Variants in OSGIN1 observed in about 807,000 individuals in gnomAD.
OSGIN1 encodes the protein oxidative stress-induced growth inhibitor 1.
OSGIN1 carries 19 observed loss-of-function variants against 20.1 expected under a neutral mutation model. The ratio of observed to expected loss-of-function variants is 0.95; its 90% CI spans 0.66 to 1.39. The LOEUF is 1.39. Ranked by LOEUF, OSGIN1 falls within the 40% of genes most tolerant of loss-of-function variation. The pLI, the probability that OSGIN1 is intolerant of heterozygous loss-of-function variation, is 0.00. For synonymous variants in OSGIN1, 368 were observed against 297.8 expected (o/e 1.24, Z -2.43); for missense variants, 820 against 653.0 (o/e 1.26, Z -2.79).
chr16:83,953,482 C>G, intron 1 of OSGIN1, 112 bp downstream of exon 1: 1 of 1,007,366 alleles, frequency 9.9e-7, no homozygotes, highest in African/African-American at 1.7e-5. Flanking sequence ...GGCGGGGGTC[C>G]CGGGTGGTCC....
chr16:83,957,897 G>C (rs1909020079), intron 2 of OSGIN1, among the ~76,000 whole-genome samples, 159 bp downstream of exon 2: 1 of 134,838 alleles, frequency 7.4e-6, no homozygotes, highest in Non-Finnish European at 1.5e-5. Context: ...ATTTATTTGA[G>C]ACAAAGTCTC....
intron 5 of OSGIN1, among the ~76,000 whole-genome samples, chr16:83,961,783 A>G (rs253137): frequency 0.35 from 53,019 of 151,754 alleles, 9,843 homozygotes; most frequent in South Asian, 0.38. Context: ...GGGCCTCCCC[A>G]TAGTGCCCCA....
intron 1 of OSGIN1, among the ~76,000 whole-genome samples, 179 bp downstream of exon 1, chr16:83,953,549 A>G (rs1014040130): frequency 1.3e-5 from 2 of 152,156 alleles, no homozygotes; most frequent in Admixed American, 6.5e-5. Flanking sequence ...CCCCTACACC[A>G]GGTTCCTCCC....
At chr16:83,964,999 T>TGC in intron 5 of OSGIN1, 63 bp from the exon 6 acceptor site, 164 of 645,722 alleles carry the variant, frequency 2.5e-4, no homozygotes, top group East Asian at 5.3e-4. Context: ...ACATCTCCCG[T>TGC]CCCACCCAGC....
In OSGIN1 at chr16:83,965,951, G is replaced by C; in HGVS notation, c.1378G>C (p.Gly460Arg). 1.9e-6 allele frequency: 3 copies of C among 1,610,478 alleles called. No individual in the cohort carries two copies. Among genetic ancestry groups the C allele is most frequent in the South Asian group, 1.1e-5 (1 of 90,844 alleles). The stretch of plus-strand genomic sequence containing the variant: ...CAACTTCGTGAGGTTTGTGCAGGGG[G>C]GCGCCTTGGCTGTGGCCAGCTCCCT... ...GDNFVRFVQG[G>R]ALAVASSLLR... Residue 460 changes from glycine (G) to arginine (R), a missense_variant, in exon 6 of 6, where the codon GGC (glycine) becomes CGC (arginine). Gly to Arg is a moderately radical substitution (Grantham distance 125, BLOSUM62 -2). Coordinates refer to ENST00000393306, the MANE Select transcript of OSGIN1 (RefSeq NM_182981.3).
Position 83,966,240 on chromosome 16 carries a change from G to T in OSGIN1, c.*233G>T. 1 of 547,808 alleles carries T rather than the reference G, an allele frequency of 1.8e-6. No individual in the cohort carries two copies. Among genetic ancestry groups the T allele is most frequent in the Non-Finnish European group, 3.2e-6 (1 of 313,496 alleles). 33.9% of individuals were successfully genotyped at this position (547,808 alleles called of 1,614,324 possible). ...CCTAGACCTGGGATTTGTGGGGAAA[G>T]CTGCTGGTGTGACCAGCTGAGCACC... On this transcript the variant is annotated 3_prime_UTR_variant, in exon 6 of 6. Transcript: ENST00000393306.
Position 83,953,319 on chromosome 16 carries a change from C to T in OSGIN1, c.-84C>T. On this transcript the variant is annotated 5_prime_UTR_variant, in exon 1 of 6. Coordinates refer to ENST00000393306, the MANE Select transcript of OSGIN1 (RefSeq NM_182981.3). ...TGTGATCCGTGTTCCCCTGACCCTC[C>T]TAGTGCACAACTTGGCCGGGCTCAC... is the stretch of plus-strand genomic sequence containing the variant. 3 of 1,289,008 alleles carry T rather than the reference C, an allele frequency of 2.3e-6. No individual in the cohort carries two copies. The highest frequency in any genetic ancestry group is 1.2e-5 in the South Asian group (1 of 80,998). 79.8% of individuals were successfully genotyped at this position (1,289,008 alleles called of 1,614,324 possible).
intron 5 of OSGIN1, among the ~76,000 whole-genome samples, chr16:83,961,898 T>G (rs1597181766): frequency 6.6e-6 from 1 of 152,122 alleles, no homozygotes; most frequent in South Asian, 2.1e-4. Flanking sequence ...CCCTTTCCTC[T>G]ATTCTGAGCC....
rs1909098290 is a variant in OSGIN1 at position 83,959,415 on chromosome 16, A to G, written c.204+19A>G. On this transcript the variant is annotated intron_variant, in intron 3 of 5. Transcript: ENST00000393306. ...GGACCAGGTGGGTCAGCCTGGGGCCAGAGCTCTGGGTAGTACATACCCGCC... is the reference window on the plus strand; with the variant it reads ...GGACCAGGTGGGTCAGCCTGGGGCCGGAGCTCTGGGTAGTACATACCCGCC... 4 of 1,612,756 alleles carry G rather than the reference A, an allele frequency of 2.5e-6. No homozygotes were observed. The highest frequency in any genetic ancestry group is 2.5e-6 in the Non-Finnish European group (3 of 1,179,436).
chr16:83,965,445 T>C lies in OSGIN1; in HGVS notation c.872T>C (p.Ile291Thr), dbSNP rs767931448. ...CCGGCCTCAGACCCTGTCCTCATCA[T>C]TGGCGCGGGGCTGTCAGCGGCCGAC... is the stretch of plus-strand genomic sequence containing the variant. ...VTPASDPVLI[I>T]GAGLSAADAV... The change falls in exon 6 of 6, where the codon ATT (isoleucine) becomes ACT (threonine). Residue 291 changes from isoleucine to threonine, a missense_variant. By Grantham distance (89) the Ile-to-Thr change is moderately conservative. Coordinates refer to ENST00000393306, the MANE Select transcript of OSGIN1 (RefSeq NM_182981.3). 5 of 1,595,518 alleles carry C rather than the reference T, an allele frequency of 3.1e-6. No individual in the cohort carries two copies. In the African/African-American group the frequency reaches 4.0e-5, roughly 13 times the overall value.
Position 83,965,174 on chromosome 16 carries a change from G to A in OSGIN1, c.601G>A (p.Val201Met), listed in dbSNP as rs138968808. The change falls in exon 6 of 6, where the codon GTG becomes ATG. Residue 201 changes from valine (V) to methionine (M), a missense_variant. Coordinates refer to ENST00000393306, the MANE Select transcript of OSGIN1 (RefSeq NM_182981.3). ...NFVSGAVVTA[V>M]EWGTPDPSSC... ...TGTGTCCGGTGCTGTAGTCACAGCCGTGGAGTGGGGGACCCCCGATCCCAG... is the reference window on the plus strand; with the variant it reads ...TGTGTCCGGTGCTGTAGTCACAGCCATGGAGTGGGGGACCCCCGATCCCAG... 3.5e-5 allele frequency: 56 copies of A among 1,613,266 alleles called. No individual in the cohort carries two copies. Among genetic ancestry groups the A allele is most frequent in the African/African-American group, 1.5e-4 (11 of 74,960 alleles).
At chr16:83,963,578 G>A (rs777893731) in intron 5 of OSGIN1, among the ~76,000 whole-genome samples, 8 of 152,150 alleles carry the variant, frequency 5.3e-5, no homozygotes, top group South Asian at 4.1e-4. Context: ...TCTTGGGACC[G>A]TTCTGTGTCA....
intron 5 of OSGIN1, among the ~76,000 whole-genome samples, chr16:83,961,723 C>T (rs937753986): frequency 1.3e-5 from 2 of 152,098 alleles, no homozygotes; most frequent in Admixed American, 6.5e-5. Flanking sequence ...CACCCGAGGA[C>T]CCCCTGTCCC....
chr16:83,963,924 T>C (rs1372301070), intron 5 of OSGIN1, among the ~76,000 whole-genome samples: 2 of 152,126 alleles, frequency 1.3e-5, no homozygotes, highest in Non-Finnish European at 1.5e-5. Flanking sequence ...ACAACAATAA[T>C]AGAATACCTC....
At chr16:83,959,117 C>G (rs1044998185) in intron 2 of OSGIN1, 143 bp from the exon 3 acceptor site, 3 of 631,302 alleles carry the variant, frequency 4.8e-6, no homozygotes, top group Non-Finnish European at 5.6e-6. Flanking sequence ...CAGTGTCTGG[C>G]ACAGGCTAAG....
intron 5 of OSGIN1, chr16:83,961,383 G>A (rs1167648082): frequency 8.0e-6 from 3 of 373,400 alleles, no homozygotes; most frequent in African/African-American, 6.3e-5. Flanking sequence ...AGGTAGGTGA[G>A]AGATAAACAG....
intron 1 of OSGIN1, among the ~76,000 whole-genome samples, chr16:83,956,338 C>T (rs1009969412): frequency 6.6e-6 from 1 of 152,248 alleles, no homozygotes; most frequent in Non-Finnish European, 1.5e-5. Flanking sequence ...ACTCTGCGTT[C>T]ATTCATTGCC....
rs760509988 is a variant in OSGIN1, at chr16:83,965,643, G to T, written c.1070G>T (p.Gly357Val). Residue 357 changes from glycine (G) to valine (V), a missense_variant, in exon 6 of 6, where the codon GGT becomes GTT. Coordinates refer to ENST00000393306, the MANE Select transcript of OSGIN1 (RefSeq NM_182981.3). ...ATCCTGTCGCCCAGCCCCTATGAGG[G>T]TTACCGCAGCCTCCCCAGGCACCAG... ...QSILSPSPYE[G>V]YRSLPRHQLL... is the part of the protein sequence containing the mutation. The T allele has an allele frequency of 2.5e-6, 4 of 1,613,382 alleles. No individual in the cohort carries two copies. The highest frequency in any genetic ancestry group is 2.2e-5 in the South Asian group (2 of 91,076).
At position 83,965,441 on chromosome 16, in the gene OSGIN1, A is replaced by T; in HGVS notation, c.868A>T (p.Ile290Phe). 6.3e-7 allele frequency: 1 copy of T among 1,594,196 alleles called. No individual in the cohort carries two copies. ...GACCCCGGCCTCAGACCCTGTCCTC[A>T]TCATTGGCGCGGGGCTGTCAGCGGC... The part of the protein sequence containing the change: ...AVTPASDPVL[I>F]IGAGLSAADA... The change falls in exon 6 of 6, where the codon ATC becomes TTC. Residue 290 changes from isoleucine to phenylalanine, a missense_variant. Transcript: ENST00000393306.
Sources: allele counts gnomAD v4.1 joint callset (sites outside exome capture counted in the v4.1 genomes callset), GRCh38; gene constraint gnomAD v4.1.1; transcripts MANE v1.5; gene names NCBI Gene and HGNC (gene_info 2026-07-23, HGNC 2026-07-21).